Variants in COL24A1 observed in about 807,000 individuals in gnomAD.
COL24A1 encodes collagen type XXIV alpha 1 chain.
A neutral mutation model predicts 253.9 loss-of-function variants in COL24A1; 224 were observed. That is an observed-to-expected ratio of 0.88 (90% CI 0.79 to 0.99). COL24A1 has a LOEUF of 0.99. Among genes scored for constraint, COL24A1 ranks in the 50% least tolerant of loss-of-function variants. The pLI, the probability that COL24A1 is intolerant of heterozygous loss-of-function variation, is 0.00. For synonymous variants in COL24A1, 685 were observed against 673.7 expected, an observed-to-expected ratio of 1.02 and a Z score of -0.26; for missense variants, 2,131 against 2,068.5, an observed-to-expected ratio of 1.03 and a Z score of -0.59.
Position 85,868,819 on chromosome 1 carries a change from G to A in COL24A1, c.3155C>T (p.Pro1052Leu), listed in dbSNP as rs547077507. 7.8e-5 allele frequency: 124 copies of A among 1,590,230 alleles called. No homozygotes were observed. The South Asian group carries it at 1.4e-3, about 18-fold the overall frequency. Reference protein sequence around the residue: ...EPGLRGEPGAPGEEGLQGKDG... With the variant: ...EPGLRGEPGALGEEGLQGKDG... ...TTTTCCCTGGAGACCTTCTTCTCCAGGAGCTCCTGGTTCACCCTATTTTGT... is the reference window on the plus strand; with the variant it reads ...TTTTCCCTGGAGACCTTCTTCTCCAAGAGCTCCTGGTTCACCCTATTTTGT... Residue 1052 changes from proline to leucine, a missense_variant, in exon 36 of 60, where the codon CCT becomes CTT. Pro to Leu is a moderately conservative substitution (Grantham distance 98, BLOSUM62 -3). Transcript: ENST00000370571.
chr1:86,077,351 A>G (rs1474128497), intron 7 of COL24A1, among the ~76,000 whole-genome samples: 1 of 152,202 alleles, frequency 6.6e-6, no homozygotes, highest in East Asian at 1.9e-4. Flanking sequence ...GATGCTGGAG[A>G]GGATGTGGAG....
chr1:85,797,994 G>C (rs553331200), intron 47 of COL24A1, among the ~76,000 whole-genome samples: 2 of 152,056 alleles, frequency 1.3e-5, no homozygotes, highest in South Asian at 2.1e-4. Context: ...GGAGTTCAAG[G>C]CTAGCCTAGG....
chr1:85,768,328 G>A (rs1479129479), intron 53 of COL24A1, among the ~76,000 whole-genome samples: 1 of 152,088 alleles, frequency 6.6e-6, no homozygotes, highest in Admixed American at 6.6e-5. Context: ...TCATAGGGAG[G>A]TGTTTAAAGA....
intron 35 of COL24A1, among the ~76,000 whole-genome samples, chr1:85,873,794 C>T (rs536466551): frequency 6.6e-6 from 1 of 150,678 alleles, no homozygotes; most frequent in African/African-American, 2.4e-5. Context: ...CAAACCTGCA[C>T]GTTGTGCACA....
intron 19 of COL24A1, among the ~76,000 whole-genome samples, chr1:85,996,332 A>T (rs1052448649): frequency 2.0e-5 from 3 of 152,206 alleles, no homozygotes; most frequent in Admixed American, 1.3e-4. Flanking sequence ...GTATAATTAT[A>T]GGTACTCAAT....
intron 39 of COL24A1, among the ~76,000 whole-genome samples, chr1:85,843,744 T>C (rs1368144202): frequency 6.6e-6 from 1 of 152,032 alleles, no homozygotes; most frequent in African/African-American, 2.4e-5. Context: ...TTGTGCTGGG[T>C]AACTGATGAT....
chr1:85,977,132 C>T (rs1692765751), intron 20 of COL24A1, among the ~76,000 whole-genome samples: 2 of 152,296 alleles, frequency 1.3e-5, no homozygotes, highest in South Asian at 4.1e-4. Flanking sequence ...ACAATCACTG[C>T]AGTCCAGCTC....
At chr1:85,912,886 G>A (rs942428010) in intron 24 of COL24A1, among the ~76,000 whole-genome samples, 2 of 152,122 alleles carry the variant, frequency 1.3e-5, no homozygotes, top group East Asian at 1.9e-4. Flanking sequence ...TGCTTACATC[G>A]ATTACGTATT....
intron 20 of COL24A1, among the ~76,000 whole-genome samples, chr1:85,978,548 A>G (rs1692922474): frequency 6.6e-6 from 1 of 152,178 alleles, no homozygotes; most frequent in African/African-American, 2.4e-5. Flanking sequence ...GCAAATGGAA[A>G]CCAAAAGCAA....
intron 43 of COL24A1, among the ~76,000 whole-genome samples, chr1:85,833,939 G>C (rs1675679629): frequency 7.3e-6 from 1 of 137,688 alleles, no homozygotes; most frequent in Admixed American, 8.0e-5. Flanking sequence ...ACACAGGAAG[G>C]GGAACATCAC....
chr1:86,125,572 G>A lies in COL24A1; in HGVS notation c.764C>T (p.Pro255Leu), dbSNP rs1332465923. ...ADKYQPETSI[P>L]CTTLIPTKIP... is the part of the protein sequence containing the mutation. ...CTTTGTTGGTATGAGAGTTGTACAA[G>A]GAATGCTTGTTTCAGGTTGGTATTT... Residue 255 changes from proline (P) to leucine (L), a missense_variant, in exon 3 of 60, where the codon CCT becomes CTT. Transcript: ENST00000370571. 1 of 1,613,580 alleles carries A rather than the reference G, an allele frequency of 6.2e-7. No individual in the cohort carries two copies. Among genetic ancestry groups the A allele is most frequent in the Non-Finnish European group, 8.5e-7 (1 of 1,179,774 alleles).
intron 19 of COL24A1, among the ~76,000 whole-genome samples, chr1:85,988,079 A>T (rs1693889864): frequency 6.9e-6 from 1 of 145,222 alleles, no homozygotes; most frequent in East Asian, 2.0e-4. Context: ...TTAGGCAGAG[A>T]TGCAAACAAC....
intron 55 of COL24A1, among the ~76,000 whole-genome samples, chr1:85,756,811 G>GTC (rs1288381269): frequency 1.3e-5 from 2 of 152,176 alleles, no homozygotes; most frequent in East Asian, 3.8e-4. Context: ...TAGAAGCAAC[G>GTC]TAAGTGTCCA....
chr1:85,776,962 T>A (rs6692621), intron 52 of COL24A1, among the ~76,000 whole-genome samples: 109,558 of 151,208 alleles, frequency 0.72, 40,588 homozygotes, highest in Non-Finnish European at 0.81. Context: ...CTTATTTTTT[T>A]TTTTTTGAGA....
At chr1:85,831,456 C>T (rs1335074844) in intron 43 of COL24A1, among the ~76,000 whole-genome samples, 2 of 152,062 alleles carry the variant, frequency 1.3e-5, no homozygotes, top group Admixed American at 6.6e-5. Context: ...GACTGTAAAT[C>T]TCACCAAGAC....
At chr1:86,046,113 A>G (rs1699878141) in intron 12 of COL24A1, among the ~76,000 whole-genome samples, 1 of 152,192 alleles carries the variant, frequency 6.6e-6, no homozygotes, top group Non-Finnish European at 1.5e-5. Flanking sequence ...TAAATGTTAC[A>G]AAATGATTTG....
chr1:85,802,684 C>G (rs1231398166), intron 47 of COL24A1, among the ~76,000 whole-genome samples: 1 of 152,118 alleles, frequency 6.6e-6, no homozygotes, highest in Admixed American at 6.5e-5. Context: ...GATAACATAT[C>G]CACTACCCCT....
intron 32 of COL24A1, among the ~76,000 whole-genome samples, chr1:85,883,363 G>A (rs907910055): frequency 6.6e-5 from 10 of 151,824 alleles, no homozygotes; most frequent in Non-Finnish European, 1.2e-4. Context: ...GGGACTACAG[G>A]AGAGTCCCAC....
At chr1:85,856,251 G>A (rs1678429405) in intron 37 of COL24A1, among the ~76,000 whole-genome samples, 1 of 152,040 alleles carries the variant, frequency 6.6e-6, no homozygotes, top group Non-Finnish European at 1.5e-5. Flanking sequence ...TTTTGCTCCT[G>A]TTTTTCTAGT....
Sources: allele counts gnomAD v4.1 joint callset (sites outside exome capture counted in the v4.1 genomes callset), GRCh38; gene constraint gnomAD v4.1.1; transcripts MANE v1.5; gene names NCBI Gene and HGNC (gene_info 2026-07-23, HGNC 2026-07-21).